The following PEBP4 variants were observed in gnomAD, a reference collection of about 807,000 sequenced individuals.
PEBP4 encodes the protein phosphatidylethanolamine binding protein 4, also known as phosphatidylethanolamine-binding protein 4.
In PEBP4, 22 loss-of-function variants were observed where a neutral mutation model predicts 23.9. The observed-to-expected ratio is 0.92, with a 90% CI of 0.66 to 1.31. PEBP4 has a LOEUF of 1.31. Among genes scored for constraint, PEBP4 ranks in the 40% most tolerant of loss-of-function variants. The probability of loss-of-function intolerance (pLI) is 0.00; values close to 1 mark genes in which losing one functional copy is unlikely to be tolerated. For synonymous variants in PEBP4, 112 were observed against 99.3 expected (o/e 1.13, Z -0.76); for missense variants, 324 against 281.7 (o/e 1.15, Z -1.07).
intron 3 of PEBP4, chr8:22,878,082 T>A (rs951744552): frequency 6.6e-6 from 1 of 151,784 alleles, no homozygotes; most frequent in Non-Finnish European, 1.5e-5. Context: ...CACACCCCCC[T>A]CCAAACTCAG....
At chr8:22,721,454 A>G (rs1563193611) in intron 6 of PEBP4, among the ~76,000 whole-genome samples, 1 of 152,058 alleles carries the variant, frequency 6.6e-6, no homozygotes, top group Non-Finnish European at 1.5e-5. Flanking sequence ...TGCCATCCCC[A>G]CATCCCCCTA....
chr8:22,760,385 G>A (rs1259604012), intron 4 of PEBP4, among the ~76,000 whole-genome samples: 1 of 152,170 alleles, frequency 6.6e-6, no homozygotes, highest in Non-Finnish European at 1.5e-5. Context: ...TATGGGTCTG[G>A]TAAACGCCTC....
At chr8:22,760,874 GTGACCT>G (rs1385114591) in intron 4 of PEBP4, among the ~76,000 whole-genome samples, 1 of 152,202 alleles carries the variant, frequency 6.6e-6, no homozygotes. Flanking sequence ...TCTAGACCAG[GTGACCT>G]TGAACGTGTC....
intron 4 of PEBP4, among the ~76,000 whole-genome samples, chr8:22,754,393 C>T (rs1015817929): frequency 1.3e-5 from 2 of 152,216 alleles, no homozygotes; most frequent in Non-Finnish European, 2.9e-5. Flanking sequence ...GATTTTATGA[C>T]CTTAACCAAC....
chr8:22,739,928 A>C (rs1804954124), intron 4 of PEBP4, among the ~76,000 whole-genome samples: 1 of 152,174 alleles, frequency 6.6e-6, no homozygotes, highest in African/African-American at 2.4e-5. Flanking sequence ...GGTGCCCAAC[A>C]GCCAAGAGCC....
chr8:22,871,903 C>T (rs1174852319), intron 3 of PEBP4, among the ~76,000 whole-genome samples: 1 of 152,114 alleles, frequency 6.6e-6, no homozygotes, highest in Admixed American at 6.5e-5. Context: ...ATGCTGTACC[C>T]AGTATGTAGT....
upstream of PEBP4, among the ~76,000 whole-genome samples, chr8:22,929,408 G>T (rs1270989564): frequency 6.6e-6 from 1 of 152,184 alleles, no homozygotes; most frequent in Non-Finnish European, 1.5e-5. Context: ...AACTTTTCTG[G>T]GTGTCAACTC....
chr8:22,799,914 TTG>T (rs1806347281), intron 4 of PEBP4, among the ~76,000 whole-genome samples: 1 of 152,262 alleles, frequency 6.6e-6, no homozygotes, highest in Non-Finnish European at 1.5e-5. Context: ...TGTATGTTTA[TTG>T]TGGCACTATT....
chr8:22,933,252 C>A (rs1809488223), intron 1 of PEBP4, among the ~76,000 whole-genome samples: 1 of 152,116 alleles, frequency 6.6e-6, no homozygotes, highest in Admixed American at 6.6e-5. Flanking sequence ...CGACTACAGA[C>A]CTTCAGACAC....
chr8:22,921,489 G>T (rs1347132818), intron 2 of PEBP4, among the ~76,000 whole-genome samples: 3 of 152,218 alleles, frequency 2.0e-5, no homozygotes, highest in African/African-American at 7.2e-5. Context: ...CAGCTTCCTG[G>T]TGGGGAACCC....
chr8:22,932,526 T>TACAC (rs964867479), upstream of PEBP4, among the ~76,000 whole-genome samples: 4 of 151,138 alleles, frequency 2.6e-5, no homozygotes, highest in Non-Finnish European at 5.9e-5. Context: ...AACACACATA[T>TACAC]ACACACACAC....
At chr8:22,799,396 A>C (rs186900645) in intron 4 of PEBP4, among the ~76,000 whole-genome samples, 1 of 152,264 alleles carries the variant, frequency 6.6e-6, no homozygotes, top group East Asian at 1.9e-4. Context: ...TTTTCCTGCT[A>C]TTAAGGAATT....
At chr8:22,743,856 A>G (rs1363607338) in intron 4 of PEBP4, among the ~76,000 whole-genome samples, 1 of 151,938 alleles carries the variant, frequency 6.6e-6, no homozygotes. Flanking sequence ...GCAGAACTAG[A>G]CTCCGTGGAG....
intron 4 of PEBP4, among the ~76,000 whole-genome samples, chr8:22,797,177 C>A (rs1286716775): frequency 1.7e-4 from 25 of 150,124 alleles, no homozygotes; most frequent in African/African-American, 5.9e-4. Flanking sequence ...TCGCTTGACC[C>A]AGGAGGCGGA....
Position 22,867,989 on chromosome 8 carries a change from A to T in PEBP4, c.259-50254T>A, listed in dbSNP as rs1251893770. The stretch of plus-strand genomic sequence containing the variant: ...AACAGTCACCTCTGTGCATGCACAG[A>T]CCGTAGGCAATAGGATCTAGCCCAG... On this transcript the variant is annotated intron_variant, in intron 3 of 6. Transcript: ENST00000256404. Among the ~76,000 whole-genome samples, 3 of 152,114 alleles carry T rather than the reference A, an allele frequency of 2.0e-5. No individual in the cohort carries two copies. The East Asian group carries it at 5.8e-4, about 29-fold the overall frequency.
At chr8:22,878,462 G>A (rs1206448398) in intron 3 of PEBP4, among the ~76,000 whole-genome samples, 1 of 152,180 alleles carries the variant, frequency 6.6e-6, no homozygotes, top group African/African-American at 2.4e-5. Context: ...TCCAAGTGGT[G>A]CTTTCTCACT....
At chr8:22,896,412 G>A (rs1563252820) in intron 3 of PEBP4, among the ~76,000 whole-genome samples, 5 of 152,130 alleles carry the variant, frequency 3.3e-5, no homozygotes, top group African/African-American at 9.7e-5. Flanking sequence ...CAGGCTAAGG[G>A]GAGTCTTCCC....
intron 3 of PEBP4, among the ~76,000 whole-genome samples, chr8:22,875,168 C>T (rs1217286654): frequency 6.6e-6 from 1 of 152,054 alleles, no homozygotes; most frequent in Non-Finnish European, 1.5e-5. Context: ...GCCCCCGAGA[C>T]TCAGGTGCCT....
At chr8:22,848,002 T>TA (rs1807474068) in intron 3 of PEBP4, among the ~76,000 whole-genome samples, 1 of 151,998 alleles carries the variant, frequency 6.6e-6, no homozygotes. Flanking sequence ...GGCTTTTAAT[T>TA]TTTTTTTCTT....
Sources: gnomAD v4.1 joint callset for allele counts (sites outside exome capture counted in the v4.1 genomes callset) on GRCh38, gnomAD v4.1.1 for gene constraint, MANE v1.5 for transcripts, NCBI Gene and HGNC (gene_info 2026-07-23, HGNC 2026-07-21) for gene names.